Variants in AP2A2 observed in about 807,000 individuals in gnomAD.
AP2A2 encodes the protein adaptor related protein complex 2 subunit alpha 2.
Under a neutral mutation model 104.2 loss-of-function variants are expected in AP2A2, and 32 were observed. The ratio of observed to expected loss-of-function variants is 0.31; its 90% confidence interval spans 0.23 to 0.41. AP2A2 has a LOEUF of 0.41. AP2A2 is among the 10% of genes least tolerant of loss of function. The pLI is 1.00. For missense variants in AP2A2, 912 were observed against 1,261.0 expected (o/e 0.72, Z 4.19); for synonymous variants, 539 against 533.3 (o/e 1.01, Z -0.15).
At position 979,202 on chromosome 11, in the gene AP2A2, C is replaced by T. The variant is rs532815294; in HGVS notation, c.603+1978C>T. ...ACGTCCTAAATGAGAGGCTGAGCTC[C>T]GCGCCTGTCAGCCTGTTGCAGGGGG... is the stretch of plus-strand genomic sequence containing the variant. On this transcript the variant is annotated intron_variant, in intron 5 of 21. Coordinates refer to ENST00000448903, the MANE Select transcript of AP2A2 (RefSeq NM_012305.4). Among the ~76,000 whole-genome samples, 25 of 150,512 alleles carry T rather than the reference C, an allele frequency of 1.7e-4. No individual in the cohort carries two copies. In the South Asian group the frequency reaches 2.8e-3, roughly 17 times the overall value.
At chr11:940,829 T>A (rs1424430978) in intron 1 of AP2A2, 1 of 456,206 alleles carries the variant, frequency 2.2e-6, no homozygotes, top group South Asian at 1.5e-5. Context: ...CAGGGTGAGG[T>A]CTGAGGAGGA....
In AP2A2 at chr11:984,743, C is replaced by T; in HGVS notation, c.804C>T (p.Tyr268=). The T allele has an allele frequency of 6.2e-7, 1 of 1,610,942 alleles. No homozygotes were observed. The highest frequency in any genetic ancestry group is 1.3e-5 in the African/African-American group (1 of 75,018). ...SVKLLRLLQC[Y]PPPDPAVRGR... ...AACTGCTGAGACTGCTGCAGTGCTA[C>T]CCACCCCCAGGTAACGCGCAGGCCG... The change falls in exon 7 of 22, where the codon TAC becomes TAT. Residue 268 remains tyrosine, a synonymous_variant. Transcript: ENST00000448903.
Position 1,009,121 on chromosome 11 carries a change from C to G in AP2A2, c.2442C>G (p.Asn814Lys). 6.2e-7 allele frequency: 1 copy of G among 1,613,156 alleles called. No homozygotes were observed. Among genetic ancestry groups the G allele is most frequent in the East Asian group, 2.2e-5 (1 of 44,878 alleles). The change falls in exon 19 of 22, where the codon AAC becomes AAG. Residue 814 changes from asparagine to lysine, a missense_variant. Coordinates refer to ENST00000448903, the MANE Select transcript of AP2A2 (RefSeq NM_012305.4). ...IQFRYGGTFQ[N>K]VSVQLPITLN... Reference sequence around the variant, plus strand: ...GCAGGTATGGGGGCACCTTCCAGAACGTGTCTGTGCAGCTGCCCATCACTC... The same window carrying G: ...GCAGGTATGGGGGCACCTTCCAGAAGGTGTCTGTGCAGCTGCCCATCACTC...
At chr11:979,528 C>T (rs531439687) in intron 5 of AP2A2, among the ~76,000 whole-genome samples, 1 of 152,248 alleles carries the variant, frequency 6.6e-6, no homozygotes, top group South Asian at 2.1e-4. Context: ...AGCCGTGGCA[C>T]AGGGCGAGTG....
rs1304850357 is a variant in AP2A2 at position 970,225 on chromosome 11, A to G, written c.193A>G (p.Ile65Val). The G allele has an allele frequency of 1.2e-6, 2 of 1,613,882 alleles. No homozygotes were observed. The highest frequency in any genetic ancestry group is 2.7e-5 in the African/African-American group (2 of 74,938). Reference sequence around the variant, plus strand: ...AAAGTACGTCTGCAAGTTGCTCTTCATCTTTCTCCTTGGTCATGACATTGA... The same window carrying G: ...AAAGTACGTCTGCAAGTTGCTCTTCGTCTTTCTCCTTGGTCATGACATTGA... ...KKKYVCKLLFIFLLGHDIDFG... is the reference protein window; with the variant it reads ...KKKYVCKLLFVFLLGHDIDFG... Residue 65 changes from isoleucine (I) to valine (V), a missense_variant, in exon 3 of 22, where the codon ATC (isoleucine) becomes GTC (valine). Around this residue, in one of 7 missense-constraint regions of AP2A2, gnomAD observed 17 missense variants for 57.3 expected, o/e 0.30. Coordinates refer to ENST00000448903, the MANE Select transcript of AP2A2 (RefSeq NM_012305.4).
In AP2A2 at chr11:992,028, C is replaced by G. The variant is rs529123197; in HGVS notation, c.1270-475C>G. On this transcript the variant is annotated intron_variant, in intron 10 of 21. Transcript: ENST00000448903. The surrounding 1 kb of genome is among the most constrained non-coding windows in gnomAD (Gnocchi z 6.4). ...CAGAGAGGGGAAGAAGGGGAACCCC[C>G]AGGTGAGGCTCGCAGGAAAGACTGG... Among the ~76,000 whole-genome samples, 2 of 152,278 alleles carry G rather than the reference C, an allele frequency of 1.3e-5. No homozygotes were observed. Among genetic ancestry groups the G allele is most frequent in the East Asian group, 3.9e-4 (2 of 5,174 alleles).
intron 10 of AP2A2, among the ~76,000 whole-genome samples, chr11:990,948 C>T (rs555025495): frequency 6.7e-6 from 1 of 149,118 alleles, no homozygotes; most frequent in East Asian, 2.0e-4. Flanking sequence ...GTATGGTGCT[C>T]CCCCCACCCC....
At chr11:937,046 A>G (rs1433559120) in intron 1 of AP2A2, among the ~76,000 whole-genome samples, 1 of 151,634 alleles carries the variant, frequency 6.6e-6, no homozygotes, top group African/African-American at 2.4e-5. Context: ...ATTTATTGAG[A>G]TGGAGTCTCT....
chr11:933,310 C>T (rs983681916), intron 1 of AP2A2, among the ~76,000 whole-genome samples: 1 of 152,162 alleles, frequency 6.6e-6, no homozygotes, highest in Non-Finnish European at 1.5e-5. Context: ...ACAGTTTTTA[C>T]CAGGCCACAT....
intron 1 of AP2A2, 65 bp downstream of exon 1, chr11:926,153 G>C (rs1745044701): frequency 8.9e-7 from 1 of 1,129,770 alleles, no homozygotes; most frequent in East Asian, 3.6e-5. Context: ...TCTGGGAGCG[G>C]AGGCCCGGGG....
chr11:1,000,518 C>T lies in AP2A2; in HGVS notation c.2043C>T (p.Ser681=), dbSNP rs771209212. The change falls in exon 15 of 22, where the codon AGC becomes AGT. Residue 681 remains serine, a synonymous_variant. Coordinates refer to ENST00000448903, the MANE Select transcript of AP2A2 (RefSeq NM_012305.4). ...PAGPPPSSGG[S]GLLVDVFSDS... ...GCCCCCCACCCTCCTCCGGCGGCAG[C>T]GGGCTGCTCGTGGACGTGTTCTCAG... The T allele has an allele frequency of 1.1e-5, 17 of 1,542,498 alleles. No homozygotes were observed. Among genetic ancestry groups the T allele is most frequent in the Middle Eastern group, 1.8e-4 (1 of 5,526 alleles).
chr11:983,573 T>C (rs190101262), intron 6 of AP2A2, among the ~76,000 whole-genome samples: 10,050 of 151,860 alleles, frequency 0.066, 361 homozygotes, highest in Middle Eastern at 0.086. Flanking sequence ...TTAGTAGAGA[T>C]GGGGTTTCAC....
chr11:974,035 A>G (rs7946461), intron 4 of AP2A2, among the ~76,000 whole-genome samples: 77,122 of 152,118 alleles, frequency 0.51, 20,152 homozygotes, highest in Middle Eastern at 0.66. Context: ...AGCCAGGGAC[A>G]GAGGAGGGAG....
At chr11:930,099 T>C (rs1381170444) in intron 1 of AP2A2, among the ~76,000 whole-genome samples, 4 of 127,078 alleles carry the variant, frequency 3.1e-5, no homozygotes, top group African/African-American at 1.2e-4. Flanking sequence ...CCAGCCTGGG[T>C]GACAGAGCGA....
rs189714694 is a variant in AP2A2 at position 934,676 on chromosome 11, C to T, written c.67+8588C>T. Reference sequence around the variant, plus strand: ...TTTGCGTTGTGGGGTGTTTTTCTTACCTTTAAAATCCCTCTGATGGCAGCA... The same window carrying T: ...TTTGCGTTGTGGGGTGTTTTTCTTATCTTTAAAATCCCTCTGATGGCAGCA... On this transcript the variant is annotated intron_variant, in intron 1 of 21. Transcript: ENST00000448903. Among the ~76,000 whole-genome samples the T allele has an allele frequency of 1.2e-4, 18 of 152,120 alleles. No homozygotes were observed. In the East Asian group the frequency reaches 3.5e-3, roughly 29 times the overall value.
At chr11:954,620 G>T (rs1854173686) in intron 1 of AP2A2, among the ~76,000 whole-genome samples, 1 of 151,732 alleles carries the variant, frequency 6.6e-6, no homozygotes, top group African/African-American at 2.4e-5. Context: ...TGTGTATTTG[G>T]TTTATGTGTG....
intron 4 of AP2A2, among the ~76,000 whole-genome samples, chr11:975,663 G>A (rs1483827210): frequency 2.0e-5 from 3 of 152,030 alleles, no homozygotes; most frequent in African/African-American, 7.2e-5. Flanking sequence ...CCTCGTGTGA[G>A]CCGACCTCGG....
In AP2A2 at chr11:955,093, A is replaced by T. The variant is rs574238850; in HGVS notation, c.68-4344A>T. 5.9e-5 allele frequency among the ~76,000 whole-genome samples: 9 copies of T among 152,226 alleles called. No individual in the cohort carries two copies. The East Asian group carries it at 9.7e-4, about 16-fold the overall frequency. The stretch of plus-strand genomic sequence containing the variant: ...CTTTCCCTGGTGTTTGGGTGGGTAA[A>T]GTAGAGGGCACAAACCAGGGAGAGA... On this transcript the variant is annotated intron_variant, in intron 1 of 21. Transcript: ENST00000448903.
In AP2A2 at chr11:959,279, C is replaced by T. The variant is rs73408957; in HGVS notation, c.68-158C>T. Reference sequence around the variant, plus strand: ...CGGCCCTGCTGCAGCCCCTTCCTGCCGGCTCTGGGTTGGAGGCAGGTGTCT... The same window carrying T: ...CGGCCCTGCTGCAGCCCCTTCCTGCTGGCTCTGGGTTGGAGGCAGGTGTCT... On this transcript the variant is annotated intron_variant, in intron 1 of 21. Coordinates refer to ENST00000448903, the MANE Select transcript of AP2A2 (RefSeq NM_012305.4). Among the ~76,000 whole-genome samples the T allele has an allele frequency of 8.3e-3, 1,269 of 152,382 alleles. 16 individuals carry two copies. Among genetic ancestry groups the T allele is most frequent in the African/African-American group, 0.029 (1,223 of 41,598 alleles).
Sources: gnomAD v4.1 joint callset for allele counts (sites outside exome capture counted in the v4.1 genomes callset) on GRCh38, gnomAD v4.1.1 for gene constraint, gnomAD v4.1.1 regional missense constraint, Gnocchi (gnomAD v3.1) non-coding constraint, MANE v1.5 for transcripts, NCBI Gene and HGNC (gene_info 2026-07-23, HGNC 2026-07-21) for gene names.